The following PIEZO2 variants were observed in gnomAD, a reference collection of about 807,000 sequenced individuals.
PIEZO2 encodes piezo type mechanosensitive ion channel component 2, also known as piezo-type mechanosensitive ion channel component 2.
A neutral mutation model predicts 337.3 loss-of-function variants in PIEZO2; 172 were observed. The ratio of observed to expected loss-of-function variants is 0.51; its 90% confidence interval spans 0.45 to 0.58. The LOEUF is 0.58. Ranked by LOEUF, PIEZO2 falls within the 20% of genes least tolerant of loss-of-function variation. The probability of loss-of-function intolerance (pLI) is 0.00; values close to 1 mark genes in which losing one functional copy is unlikely to be tolerated. For missense variants in PIEZO2, 3,028 were observed against 3,391.3 expected (o/e 0.89, Z 2.66); for synonymous variants, 1,251 against 1,228.5 (o/e 1.02, Z -0.38).
At chr18:10,695,986 G>T in intron 47 of PIEZO2, 88 bp downstream of exon 47, 1 of 1,301,472 alleles carries the variant, frequency 7.7e-7, no homozygotes, top group Non-Finnish European at 1.1e-6. Flanking sequence ...GTGGCCAGCA[G>T]TTCTGCTGTG....
chr18:10,928,865 A>G (rs1167260200), intron 3 of PIEZO2, among the ~76,000 whole-genome samples: 1 of 152,220 alleles, frequency 6.6e-6, no homozygotes, highest in Non-Finnish European at 1.5e-5. Flanking sequence ...AGCATTTGGG[A>G]TGAAAGGTGC....
chr18:11,067,500 C>T (rs868047355), intron 1 of PIEZO2, among the ~76,000 whole-genome samples: 1 of 152,134 alleles, frequency 6.6e-6, no homozygotes, highest in African/African-American at 2.4e-5. Flanking sequence ...AAGAAACTCA[C>T]TTCACATTTA....
intron 2 of PIEZO2, among the ~76,000 whole-genome samples, chr18:11,006,729 C>T (rs538789912): frequency 6.6e-6 from 1 of 152,102 alleles, no homozygotes; most frequent in Non-Finnish European, 1.5e-5. Context: ...CTTCCTCTTC[C>T]TTCCTTCTTT....
chr18:11,092,188 A>C lies in PIEZO2; in HGVS notation c.65-25966T>G, dbSNP rs2039112617. On this transcript the variant is annotated intron_variant, in intron 1 of 55. Transcript: ENST00000674853. This position sits in a 1 kb window ranked among gnomAD's most constrained non-coding sequence, Gnocchi z 4.5. ...GCATAATTCTCGTCCAAGATCGAGA[A>C]CACATCATTAGAAGCACTATTTACA... is the stretch of plus-strand genomic sequence containing the variant. Among the ~76,000 whole-genome samples the C allele has an allele frequency of 6.6e-6, 1 of 152,246 alleles. No homozygotes were observed. Among genetic ancestry groups the C allele is most frequent in the Non-Finnish European group, 1.5e-5 (1 of 68,038 alleles).
chr18:10,963,072 G>T (rs773249045), intron 3 of PIEZO2, among the ~76,000 whole-genome samples: 15 of 152,082 alleles, frequency 9.9e-5, no homozygotes, highest in Non-Finnish European at 1.5e-4. Context: ...GGATCACGAG[G>T]TCAGGAGTTC....
At chr18:10,938,602 G>T (rs549187021) in intron 3 of PIEZO2, among the ~76,000 whole-genome samples, 3 of 152,232 alleles carry the variant, frequency 2.0e-5, no homozygotes, top group East Asian at 3.9e-4. Flanking sequence ...TACCTGTCAT[G>T]AATAAAATAT....
intron 5 of PIEZO2, among the ~76,000 whole-genome samples, chr18:10,867,198 G>A (rs534196438): frequency 1.3e-5 from 2 of 152,206 alleles, no homozygotes; most frequent in African/African-American, 4.8e-5. Flanking sequence ...GAAATTTAAA[G>A]CTGGAGACTT....
At chr18:10,904,581 A>G (rs1441504411) in intron 4 of PIEZO2, among the ~76,000 whole-genome samples, 2 of 152,174 alleles carry the variant, frequency 1.3e-5, no homozygotes, top group East Asian at 3.8e-4. Context: ...GAGGTGGCAT[A>G]CTTCACACTG....
In PIEZO2 at chr18:10,770,218, A is replaced by T. The variant is rs2038541107; in HGVS notation, c.2876T>A (p.Met959Lys). Residue 959 changes from methionine to lysine, a missense_variant, in exon 21 of 56, where the codon ATG (methionine) becomes AAG (lysine). Around this residue, in one of 5 missense-constraint regions of PIEZO2, gnomAD observed 1,925 missense variants for 2,051.9 expected, o/e 0.94. Transcript: ENST00000674853. ...GATGTGCAACTCCAAAATCCACCACATGAACACCTGCAGCTTGTGAAAATA... is the reference window on the plus strand; with the variant it reads ...GATGTGCAACTCCAAAATCCACCACTTGAACACCTGCAGCTTGTGAAAATA... ...LEYFHKLQVF[M>K]WWILELHIIK... The T allele has an allele frequency of 1.3e-6, 2 of 1,537,396 alleles. No homozygotes were observed. The highest frequency in any genetic ancestry group is 1.7e-6 in the Non-Finnish European group (2 of 1,146,966).
At chr18:10,733,487 T>G (rs1485519023) in intron 35 of PIEZO2, among the ~76,000 whole-genome samples, 1 of 145,902 alleles carries the variant, frequency 6.9e-6, no homozygotes, top group Non-Finnish European at 1.5e-5. Context: ...TCTTGCTCTG[T>G]CATGCAGGCT....
intron 39 of PIEZO2, among the ~76,000 whole-genome samples, chr18:10,711,951 G>C (rs985334075): frequency 6.6e-6 from 1 of 150,428 alleles, no homozygotes; most frequent in Non-Finnish European, 1.5e-5. Flanking sequence ...GCTGAGAGCA[G>C]TGGGATGCGT....
At chr18:10,965,142 C>A (rs548098578) in intron 3 of PIEZO2, among the ~76,000 whole-genome samples, 57 of 152,114 alleles carry the variant, frequency 3.7e-4, no homozygotes, top group African/African-American at 1.3e-3. Context: ...GTTTTCAATT[C>A]TTTTATGGCT....
intron 3 of PIEZO2, among the ~76,000 whole-genome samples, chr18:10,923,286 C>T (rs2031536535): frequency 6.6e-6 from 1 of 152,172 alleles, no homozygotes. Flanking sequence ...CTTACATGAA[C>T]TTCATGATAT....
chr18:10,917,633 G>A (rs1199950018), intron 3 of PIEZO2, among the ~76,000 whole-genome samples: 1 of 152,148 alleles, frequency 6.6e-6, no homozygotes, highest in Non-Finnish European at 1.5e-5. Flanking sequence ...AGTTTTTCAT[G>A]AAGCATGTCT....
intron 5 of PIEZO2, 68 bp downstream of exon 5, chr18:10,871,185 T>C: frequency 7.0e-7 from 1 of 1,420,232 alleles, no homozygotes; most frequent in Non-Finnish European, 9.5e-7. Context: ...ATTATCATAG[T>C]TCTGCAACTT....
chr18:10,879,390 T>TA (rs2042352033), intron 4 of PIEZO2, among the ~76,000 whole-genome samples: 4 of 78,502 alleles, frequency 5.1e-5, no homozygotes, highest in Admixed American at 3.9e-4. Context: ...TCCTTTCCAA[T>TA]CTTTTTTTTT....
At chr18:10,770,598 G>A (rs772567750) in intron 20 of PIEZO2, among the ~76,000 whole-genome samples, 15 of 151,928 alleles carry the variant, frequency 9.9e-5, no homozygotes, top group South Asian at 4.2e-4. Context: ...CCTTCCACTC[G>A]CTTGCTTGCT....
At chr18:10,906,216 G>A (rs2029907530) in intron 4 of PIEZO2, among the ~76,000 whole-genome samples, 1 of 152,130 alleles carries the variant, frequency 6.6e-6, no homozygotes, top group South Asian at 2.1e-4. Flanking sequence ...CTTTGAAGGA[G>A]CAAGATATTT....
intron 1 of PIEZO2, among the ~76,000 whole-genome samples, chr18:11,100,912 A>C (rs1475989431): frequency 6.6e-5 from 10 of 152,082 alleles, no homozygotes; most frequent in Admixed American, 6.6e-4. Context: ...TCACTTTTAT[A>C]ATGCTTCAAC....
Sources: allele counts gnomAD v4.1 joint callset (sites outside exome capture counted in the v4.1 genomes callset), GRCh38; gene constraint gnomAD v4.1.1; regional missense constraint gnomAD v4.1.1; non-coding constraint Gnocchi (gnomAD v3.1); transcripts MANE v1.5; gene names NCBI Gene and HGNC (gene_info 2026-07-23, HGNC 2026-07-21).